CNTNAP5: variants seen among roughly 807,000 people sequenced by gnomAD.
CNTNAP5 encodes contactin associated protein family member 5, also known as contactin-associated protein-like 5.
A neutral mutation model predicts 150.2 loss-of-function variants in CNTNAP5; 72 were observed. The observed-to-expected ratio is 0.48, with a 90% CI of 0.40 to 0.58. The LOEUF is 0.58. CNTNAP5 is among the 20% of genes least tolerant of loss of function. CNTNAP5 has a pLI of 0.00. For missense variants in CNTNAP5, 1,636 were observed against 1,626.2 expected, an observed-to-expected ratio of 1.01 and a Z score of -0.10; for synonymous variants, 672 against 619.8, an observed-to-expected ratio of 1.08 and a Z score of -1.25.
At chr2:124,082,420 C>CTTAATTCT (rs942668806) in intron 1 of CNTNAP5, among the ~76,000 whole-genome samples, 6 of 145,324 alleles carry the variant, frequency 4.1e-5, no homozygotes, top group African/African-American at 1.5e-4. Context: ...TATCATTTAA[C>CTTAATTCT]TTAATTCTCT....
chr2:124,891,807 A>G lies in CNTNAP5; in HGVS notation c.3437-11075A>G, dbSNP rs138855827. Reference sequence around the variant, plus strand: ...TGTTGTTTTTGTTTTTGAGGAAGTAATATTCCCAATTAGAAACAGTACATT... The same window carrying G: ...TGTTGTTTTTGTTTTTGAGGAAGTAGTATTCCCAATTAGAAACAGTACATT... On this transcript the variant is annotated intron_variant, in intron 21 of 23. Coordinates refer to ENST00000682447, the MANE Select transcript of CNTNAP5 (RefSeq NM_001367498.1). Among the ~76,000 whole-genome samples, 532 of 152,166 alleles carry G rather than the reference A, an allele frequency of 3.5e-3. 2 individuals carry two copies. Among genetic ancestry groups the G allele is most frequent in the Non-Finnish European group, 6.3e-3 (428 of 68,004 alleles).
intron 6 of CNTNAP5, among the ~76,000 whole-genome samples, chr2:124,471,199 A>G (rs1431231752): frequency 1.3e-5 from 2 of 152,198 alleles, no homozygotes; most frequent in Non-Finnish European, 2.9e-5. Context: ...CTCCGTATCC[A>G]TGAACATGGA....
intron 3 of CNTNAP5, among the ~76,000 whole-genome samples, chr2:124,336,291 G>A (rs1014608412): frequency 6.6e-6 from 1 of 151,730 alleles, no homozygotes; most frequent in East Asian, 1.9e-4. Flanking sequence ...CTGCCAAGTG[G>A]CCAGTCTGAA....
chr2:124,209,332 C>T (rs1685946114), intron 1 of CNTNAP5, among the ~76,000 whole-genome samples: 1 of 152,160 alleles, frequency 6.6e-6, no homozygotes, highest in African/African-American at 2.4e-5. Context: ...CATACCTGTG[C>T]CTCCTCATCT....
chr2:124,180,677 T>A (rs1255056798), intron 1 of CNTNAP5, among the ~76,000 whole-genome samples: 2 of 152,168 alleles, frequency 1.3e-5, no homozygotes, highest in African/African-American at 2.4e-5. Context: ...TAGAAATCAT[T>A]TAAAGAATTG....
At chr2:124,798,467 T>G in intron 19 of CNTNAP5, 147 bp downstream of exon 19, 2 of 628,948 alleles carry the variant, frequency 3.2e-6, no homozygotes, top group Non-Finnish European at 5.6e-6. Context: ...CCTTGATTAT[T>G]CTTTACCTTT....
In CNTNAP5 at chr2:124,682,453, C is replaced by A. The variant is rs148481224; in HGVS notation, c.2077+34495C>A. 4.1e-3 allele frequency among the ~76,000 whole-genome samples: 618 copies of A among 152,172 alleles called. 5 individuals are homozygous for A. Among genetic ancestry groups the A allele is most frequent in the African/African-American group, 0.014 (590 of 41,482 alleles). On this transcript the variant is annotated intron_variant, in intron 13 of 23. Transcript: ENST00000682447. ...GACTTTAAACAAAGTGTTGACTGTG[C>A]TCTAATAATGGTGCTTTTTTAATGG...
At chr2:124,162,136 C>T (rs903242005) in intron 1 of CNTNAP5, among the ~76,000 whole-genome samples, 2 of 152,050 alleles carry the variant, frequency 1.3e-5, no homozygotes, top group Non-Finnish European at 2.9e-5. Context: ...TGTAAAAATG[C>T]CACAAGGTAA....
chr2:124,810,254 T>TA (rs1682178925), intron 19 of CNTNAP5, among the ~76,000 whole-genome samples: 1 of 152,184 alleles, frequency 6.6e-6, no homozygotes, highest in South Asian at 2.1e-4. Context: ...CAGCCTGGTT[T>TA]AACTGGATGA....
chr2:124,431,551 A>C (rs1300254491), intron 4 of CNTNAP5, among the ~76,000 whole-genome samples: 2 of 144,532 alleles, frequency 1.4e-5, no homozygotes, highest in Non-Finnish European at 3.0e-5. Context: ...TATAAATATT[A>C]TATATAATTT....
At chr2:124,730,772 A>G (rs1201182776) in intron 13 of CNTNAP5, among the ~76,000 whole-genome samples, 2 of 152,102 alleles carry the variant, frequency 1.3e-5, no homozygotes, top group African/African-American at 4.8e-5. Flanking sequence ...GTGGGGTATT[A>G]TGGAATAGAA....
At chr2:124,818,544 C>T (rs549037225) in intron 19 of CNTNAP5, among the ~76,000 whole-genome samples, 2 of 152,198 alleles carry the variant, frequency 1.3e-5, no homozygotes, top group South Asian at 2.1e-4. Flanking sequence ...AAAAAAAATA[C>T]ATCTCCAATT....
chr2:124,114,695 T>C (rs1683383396), intron 1 of CNTNAP5, among the ~76,000 whole-genome samples: 1 of 151,850 alleles, frequency 6.6e-6, no homozygotes, highest in Admixed American at 6.6e-5. Flanking sequence ...TCATTCATAA[T>C]CTTAGTAAAA....
chr2:124,879,944 T>C (rs1415352162), intron 21 of CNTNAP5, among the ~76,000 whole-genome samples: 1 of 152,042 alleles, frequency 6.6e-6, no homozygotes, highest in Non-Finnish European at 1.5e-5. Flanking sequence ...TTGGTGAGAA[T>C]GGAAGCACTG....
chr2:124,681,861 C>T (rs902715830), intron 13 of CNTNAP5, among the ~76,000 whole-genome samples: 3 of 152,034 alleles, frequency 2.0e-5, no homozygotes, highest in African/African-American at 7.3e-5. Context: ...CATGCCAGGC[C>T]CTTGTTTTTG....
chr2:124,757,009 G>A (rs1680854018), intron 14 of CNTNAP5, among the ~76,000 whole-genome samples: 1 of 152,192 alleles, frequency 6.6e-6, no homozygotes, highest in South Asian at 2.1e-4. Flanking sequence ...AAACAAAACA[G>A]AAGTAATAGC....
intron 1 of CNTNAP5, among the ~76,000 whole-genome samples, chr2:124,215,469 G>T (rs1686131900): frequency 6.6e-6 from 1 of 152,060 alleles, no homozygotes; most frequent in African/African-American, 2.4e-5. Context: ...TAATTAATAT[G>T]AAAGAAGACC....
At chr2:124,326,813 A>G (rs778826463) in intron 3 of CNTNAP5, among the ~76,000 whole-genome samples, 7 of 151,824 alleles carry the variant, frequency 4.6e-5, no homozygotes, top group Non-Finnish European at 7.4e-5. Context: ...ACATACATAC[A>G]TACAAATATT....
At position 124,270,121 on chromosome 2, in the gene CNTNAP5, G is replaced by T. The variant is rs188871290; in HGVS notation, c.381+27728G>T. 2.2e-3 allele frequency among the ~76,000 whole-genome samples: 338 copies of T among 152,168 alleles called. 2 individuals carry two copies. The highest frequency in any genetic ancestry group is 7.9e-3 in the African/African-American group (327 of 41,516). On this transcript the variant is annotated intron_variant, in intron 3 of 23. Transcript: ENST00000682447. ...ACCTGAGGTCAAGAGTTCCAGACCA[G>T]CCTGGCCAACATGGTGAAACCCCGT...
Sources: gnomAD v4.1 joint callset for allele counts (sites outside exome capture counted in the v4.1 genomes callset) on GRCh38, gnomAD v4.1.1 for gene constraint, MANE v1.5 for transcripts, NCBI Gene and HGNC (gene_info 2026-07-23, HGNC 2026-07-21) for gene names.